Variants in VPS35 observed in about 807,000 individuals in gnomAD.
VPS35 encodes vacuolar protein sorting-associated protein 35.
In VPS35, 21 loss-of-function variants were observed where a neutral mutation model predicts 98.1. That is an observed-to-expected ratio of 0.21 (90% CI 0.15 to 0.31). The LOEUF is 0.31. VPS35 is among the 10% of genes least tolerant of loss of function. The pLI, the probability that VPS35 is intolerant of heterozygous loss-of-function variation, is 1.00. For synonymous variants in VPS35, 268 were observed against 318.2 expected (o/e 0.84, Z 1.68); for missense variants, 554 against 950.8 (o/e 0.58, Z 5.49).
At chr16:46,673,978 T>C (rs1174894111) in intron 10 of VPS35, 3 of 278,222 alleles carry the variant, frequency 1.1e-5, no homozygotes, top group Admixed American at 5.0e-5. Flanking sequence ...CTATTGTTAG[T>C]GTTAGTGTAT....
chr16:46,663,862 A>ATTTTTTTTTTTTTTTTTTTTTT lies in VPS35; in HGVS notation c.1648-722_1648-701dup, dbSNP rs546485076. Among the ~76,000 whole-genome samples the ATTTTTTTTTTTTTTTTTTTTTT allele has an allele frequency of 7.7e-4, 22 of 28,688 alleles. 8 individuals are homozygous for ATTTTTTTTTTTTTTTTTTTTTT. The highest frequency in any genetic ancestry group is 1.0e-3 in the Non-Finnish European group (17 of 16,860). The allele number at this position is 28,688 out of a possible 152,430, so 18.8% of individuals were successfully genotyped here. ...AGGCTTGCATCACCACACCTGGCTA[A>ATTTTTTTTTTTTTTTTTTTTTT]TTTTTTTTTTTTTTTTTTTTTTTTT... On this transcript the variant is annotated intron_variant, in intron 13 of 16. Coordinates refer to ENST00000299138, the MANE Select transcript of VPS35 (RefSeq NM_018206.6).
In VPS35 at chr16:46,674,677, C is replaced by G. The variant is rs745511646; in HGVS notation, c.915-17G>C. On this transcript the variant is annotated splice_polypyrimidine_tract_variant and intron_variant, in intron 8 of 16. Transcript: ENST00000299138. The stretch of plus-strand genomic sequence containing the variant: ...AAAGCTAATCTAAAAAAAAAAAAAA[C>G]ACCCCTTTATTTTAAAAGATACAGG... 8.1e-7 allele frequency: 1 copy of G among 1,240,820 alleles called. No individual in the cohort carries two copies. The highest frequency in any genetic ancestry group is 1.8e-5 in the Admixed American group (1 of 54,514). 76.9% of individuals were successfully genotyped at this position (1,240,820 alleles called of 1,614,324 possible). A position where few individuals can be genotyped will look rare whatever the true frequency, so the allele number is the denominator to read the frequency against.
At position 46,680,842 on chromosome 16, in the gene VPS35, A is replaced by G; in HGVS notation, c.335T>C (p.Ile112Thr). ...CTTGACATATACAACTCCAACTGTGATCAAAAGGTAACTAGGAAAATTATG... is the reference window on the plus strand; with the variant it reads ...CTTGACATATACAACTCCAACTGTGGTCAAAAGGTAACTAGGAAAATTATG... ...GNIIPRLYLL[I>T]TVGVVYVKSF... The change falls in exon 5 of 17, where the codon ATC becomes ACC. Residue 112 changes from isoleucine (I) to threonine (T), a missense_variant. Transcript: ENST00000299138. 6.2e-7 allele frequency: 1 copy of G among 1,613,886 alleles called. No individual in the cohort carries two copies. Among genetic ancestry groups the G allele is most frequent in the African/African-American group, 1.3e-5 (1 of 75,038 alleles).
At chr16:46,671,503 G>A (rs1184706224) in intron 12 of VPS35, among the ~76,000 whole-genome samples, 1 of 151,594 alleles carries the variant, frequency 6.6e-6, no homozygotes, top group Non-Finnish European at 1.5e-5. Flanking sequence ...ATGGAGTCTC[G>A]CTGTGTTGCC....
intron 13 of VPS35, among the ~76,000 whole-genome samples, chr16:46,667,208 G>A (rs1966002538): frequency 6.6e-6 from 1 of 152,132 alleles, no homozygotes; most frequent in African/African-American, 2.4e-5. Context: ...ACATTTTCCT[G>A]ATAAATGATG....
At chr16:46,665,839 G>A (rs1180878669) in intron 13 of VPS35, among the ~76,000 whole-genome samples, 1 of 152,134 alleles carries the variant, frequency 6.6e-6, no homozygotes, top group Non-Finnish European at 1.5e-5. Context: ...CACCCAGGCT[G>A]GAGCGCAAAA....
At chr16:46,679,718 T>C (rs760518153) in intron 5 of VPS35, among the ~76,000 whole-genome samples, 1 of 152,222 alleles carries the variant, frequency 6.6e-6, no homozygotes, top group East Asian at 1.9e-4. Context: ...CTACGTCTCC[T>C]AGGATGGAGA....
rs1460679820 is a variant in VPS35 at position 46,661,751 on chromosome 16, T to G, written c.2178A>C (p.Arg726Ser). ...TTTCCTTTTCATAAAAATAGATATA[T>G]CTGTTCAGAATTTCTATAAAAAGCT... ...QVQLFIEILNRYIYFYEKEND... is the reference protein window; with the variant it reads ...QVQLFIEILNSYIYFYEKEND... Residue 726 changes from arginine (R) to serine (S), a missense_variant, in exon 16 of 17, where the codon AGA becomes AGC. Transcript: ENST00000299138. The surrounding 1 kb of genome is among the most constrained non-coding windows in gnomAD (Gnocchi z 4.3). The G allele has an allele frequency of 6.2e-7, 1 of 1,612,060 alleles. No homozygotes were observed. Among genetic ancestry groups the G allele is most frequent in the South Asian group, 1.1e-5 (1 of 91,044 alleles).
chr16:46,664,088 A>G (rs1211294109), intron 13 of VPS35, among the ~76,000 whole-genome samples: 3 of 151,950 alleles, frequency 2.0e-5, no homozygotes, highest in Non-Finnish European at 4.4e-5. Context: ...TCATCCACAC[A>G]TCATCCCTAA....
rs1965861771 is a variant in VPS35 at position 46,658,480 on chromosome 16, T to A, written c.*1992A>T. ...TTTGTTTCACTTTTATTTACTTTTG[T>A]TGGTTTATTATTTTTAAAATTGGGT... On this transcript the variant is annotated 3_prime_UTR_variant, in exon 17 of 17. Transcript: ENST00000299138. The A allele has an allele frequency of 6.5e-6, 1 of 153,796 alleles. No homozygotes were observed. The highest frequency in any genetic ancestry group is 1.5e-5 in the Non-Finnish European group (1 of 68,038). 9.5% of individuals were successfully genotyped at this position (153,796 alleles called of 1,614,324 possible).
chr16:46,689,176 C>A lies in VPS35; in HGVS notation c.-43G>T. The A allele has an allele frequency of 6.3e-7, 1 of 1,599,452 alleles. No homozygotes were observed. On this transcript the variant is annotated 5_prime_UTR_variant, in exon 1 of 17. Transcript: ENST00000299138. ...TGCAGCAAGCAGCACCCGCCCCGCGCGTAGCCTCCCGCGGTCATGTGACGC... is the reference window on the plus strand; with the variant it reads ...TGCAGCAAGCAGCACCCGCCCCGCGAGTAGCCTCCCGCGGTCATGTGACGC...
In VPS35 at chr16:46,663,134, T is replaced by C; in HGVS notation, c.1676A>G (p.Lys559Arg). ...VDDKWEKKCQ[K>R]IFSFAHQTIS... ...AGTCTGGTGGGCAAATGAAAAAATC[T>C]TCTGGCATTTCTTTTCCCATTTGTC... is the stretch of plus-strand genomic sequence containing the variant. The change falls in exon 14 of 17, where the codon AAG becomes AGG. Residue 559 changes from lysine (K) to arginine (R), a missense_variant. Transcript: ENST00000299138. 2 of 1,614,164 alleles carry C rather than the reference T, an allele frequency of 1.2e-6. No homozygotes were observed. Among genetic ancestry groups the C allele is most frequent in the Non-Finnish European group, 1.7e-6 (2 of 1,180,012 alleles).
intron 13 of VPS35, among the ~76,000 whole-genome samples, chr16:46,668,358 G>A (rs992579860): frequency 1.3e-5 from 2 of 152,158 alleles, no homozygotes; most frequent in Admixed American, 6.5e-5. Context: ...CTGCGCCACT[G>A]TACTCCAGCC....
At chr16:46,685,685 T>C (rs1322102850) in intron 1 of VPS35, among the ~76,000 whole-genome samples, 3 of 152,210 alleles carry the variant, frequency 2.0e-5, no homozygotes, top group African/African-American at 4.8e-5. Context: ...CTATTCATCA[T>C]GGGCTAGTCT....
rs1462740946 is a variant in VPS35 at position 46,657,216 on chromosome 16, T to C, written c.*3256A>G. The C allele has an allele frequency of 6.6e-6, 1 of 151,528 alleles. No homozygotes were observed. Among genetic ancestry groups the C allele is most frequent in the African/African-American group, 2.4e-5 (1 of 41,184 alleles). 9.4% of individuals were successfully genotyped at this position (151,528 alleles called of 1,614,324 possible). On this transcript the variant is annotated 3_prime_UTR_variant, in exon 17 of 17. Coordinates refer to ENST00000299138, the MANE Select transcript of VPS35 (RefSeq NM_018206.6). ...ATACTGGCACCTGAATCAGTGTCTG[T>C]TGTCCATGCCTACAGCATCCCCATA...
Position 46,685,344 on chromosome 16 carries a change from A to G in VPS35, c.4-1738T>C, listed in dbSNP as rs759741954. ...ATTTTGAGATTAACAAAGAAACTTG[A>G]TAACATAAAACCCACTTCTGAACTA... On this transcript the variant is annotated intron_variant, in intron 1 of 16. Coordinates refer to ENST00000299138, the MANE Select transcript of VPS35 (RefSeq NM_018206.6). 5.3e-5 allele frequency among the ~76,000 whole-genome samples: 8 copies of G among 152,208 alleles called. No individual in the cohort carries two copies. The South Asian group carries it at 1.4e-3, about 28-fold the overall frequency.
At position 46,657,370 on chromosome 16, in the gene VPS35, CCTTGAGGTCT is replaced by C. The variant is rs935917242; in HGVS notation, c.*3092_*3101del. 9 of 152,144 alleles carry C rather than the reference CCTTGAGGTCT, an allele frequency of 5.9e-5. No homozygotes were observed. Among genetic ancestry groups the C allele is most frequent in the Non-Finnish European group, 1.2e-4 (8 of 68,022 alleles). The allele number at this position is 152,144 out of a possible 1,614,324, so 9.4% of individuals were successfully genotyped here. A position where few individuals can be genotyped will look rare whatever the true frequency, so the allele number is the denominator to read the frequency against. On this transcript the variant is annotated 3_prime_UTR_variant, in exon 17 of 17. Coordinates refer to ENST00000299138, the MANE Select transcript of VPS35 (RefSeq NM_018206.6). Reference sequence around the variant, plus strand: ...AAATCCTTTCTGCTTGAGCTTATTACCTTGAGGTCTCTGAATGAGAGAGCAAATGTTAACA... The same window carrying C: ...AAATCCTTTCTGCTTGAGCTTATTACCTGAATGAGAGAGCAAATGTTAACA...
chr16:46,661,585 G>A lies in VPS35; in HGVS notation c.2211+133C>T, dbSNP rs376854281. 29 of 888,336 alleles carry A rather than the reference G, an allele frequency of 3.3e-5. No individual in the cohort carries two copies. In the East Asian group the frequency reaches 3.9e-4, roughly 12 times the overall value. The allele number at this position is 888,336 out of a possible 1,614,324, so 55.0% of individuals were successfully genotyped here. ...CAAATTAGCCTATTATTTGACATCTGTAAATTATTTTACATTTTTCAAATG... is the reference window on the plus strand; with the variant it reads ...CAAATTAGCCTATTATTTGACATCTATAAATTATTTTACATTTTTCAAATG... On this transcript the variant is annotated intron_variant, in intron 16 of 16. Transcript: ENST00000299138. This position sits in a 1 kb window ranked among gnomAD's most constrained non-coding sequence, Gnocchi z 4.3.
At chr16:46,687,628 C>G (rs1966338112) in intron 1 of VPS35, among the ~76,000 whole-genome samples, 1 of 152,144 alleles carries the variant, frequency 6.6e-6, no homozygotes, top group Non-Finnish European at 1.5e-5. Context: ...GTGTCTCCCC[C>G]AGTAGCCTCT....
Sources: gnomAD v4.1 joint callset for allele counts (sites outside exome capture counted in the v4.1 genomes callset) on GRCh38, gnomAD v4.1.1 for gene constraint, Gnocchi (gnomAD v3.1) non-coding constraint, MANE v1.5 for transcripts, NCBI Gene and HGNC (gene_info 2026-07-23, HGNC 2026-07-21) for gene names.